Variants in PTBP2 observed in about 807,000 individuals in gnomAD.
The protein encoded by PTBP2 is polypyrimidine tract binding protein 2, also known as polypyrimidine tract-binding protein 2.
Under a neutral mutation model 61.4 loss-of-function variants are expected in PTBP2, and 13 were observed. That is an observed-to-expected ratio of 0.21 (90% CI 0.14 to 0.34). The LOEUF is 0.34. Among genes scored for constraint, PTBP2 ranks in the 10% least tolerant of loss-of-function variants. The probability of loss-of-function intolerance (pLI) is 1.00; values close to 1 mark genes in which losing one functional copy is unlikely to be tolerated. For synonymous variants in PTBP2, 215 were observed against 218.5 expected (o/e 0.98, Z 0.14); for missense variants, 405 against 642.6 (o/e 0.63, Z 4.00).
rs66475516 is a variant in PTBP2, at chr1:96,813,661, CTTTTTT to C, written c.*272_*277del. On this transcript the variant is annotated 3_prime_UTR_variant, in exon 14 of 14. Coordinates refer to ENST00000674951, the MANE Select transcript of PTBP2 (RefSeq NM_021190.4). ...TGTTTAAAATTTCAGTTTAATTTTG[CTTTTTT>C]TTTTTTTTTTTTTTTCCTTTCAACT... The C allele has an allele frequency of 0.08, 9,756 of 122,346 alleles. 153 individuals are homozygous for C. The highest frequency in any genetic ancestry group is 0.1 in the Middle Eastern group (20 of 200). 7.6% of individuals were successfully genotyped at this position (122,346 alleles called of 1,614,324 possible).
At chr1:96,784,751 T>A (rs1226404984) in intron 7 of PTBP2, among the ~76,000 whole-genome samples, 1 of 152,154 alleles carries the variant, frequency 6.6e-6, no homozygotes, top group African/African-American at 2.4e-5. Context: ...ACTTCCTGTT[T>A]GTGATCCTTA....
chr1:96,809,452 A>G (rs1421947308), intron 11 of PTBP2, among the ~76,000 whole-genome samples: 2 of 152,178 alleles, frequency 1.3e-5, no homozygotes, highest in Non-Finnish European at 2.9e-5. Flanking sequence ...AAAAAGATGC[A>G]TATAAAATCT....
In PTBP2 at chr1:96,739,618, G is replaced by GGTTTTTT. The variant is rs1232683663; in HGVS notation, c.40-11807_40-11806insGTTTTTT. 9.5e-5 allele frequency among the ~76,000 whole-genome samples: 8 copies of GGTTTTTT among 83,802 alleles called. 1 individual carries two copies. Among genetic ancestry groups the GGTTTTTT allele is most frequent in the Non-Finnish European group, 1.1e-4 (5 of 45,264 alleles). The allele number at this position is 83,802 out of a possible 152,430, so 55.0% of individuals were successfully genotyped here. On this transcript the variant is annotated intron_variant, in intron 2 of 13. Transcript: ENST00000674951. ...GCTACAAAATCTGAAACTGGTGTGT[G>GGTTTTTT]TTTTTTTTTTTTTTTTTTTTTTTTT...
At chr1:96,792,415 G>A (rs1410197412) in intron 8 of PTBP2, among the ~76,000 whole-genome samples, 3 of 152,088 alleles carry the variant, frequency 2.0e-5, no homozygotes, top group African/African-American at 4.8e-5. Context: ...TTGAGTGGCC[G>A]AGCCCTAGCA....
chr1:96,774,124 A>C (rs1657735771), intron 5 of PTBP2, among the ~76,000 whole-genome samples: 1 of 151,840 alleles, frequency 6.6e-6, no homozygotes. Context: ...GTCTCTTAAA[A>C]AAAAAAAAAG....
rs1557759315 is a variant in PTBP2 at position 96,791,839 on chromosome 1, T to TTTTTTGTTTTTTTTTTG, written c.904+6590_904+6591insGTTTTTTTTTTGTTTTT. ...CTTGGAGTTGTGCTTTTTTTTTTTT[T>TTTTTTGTTTTTTTTTTG]TTTTTTTTTTGAGATAGAGTCTGGC... is the stretch of plus-strand genomic sequence containing the variant. On this transcript the variant is annotated intron_variant, in intron 8 of 13. Transcript: ENST00000674951. Among the ~76,000 whole-genome samples, 7 of 138,236 alleles carry TTTTTTGTTTTTTTTTTG rather than the reference T, an allele frequency of 5.1e-5. 1 individual carries two copies. Among genetic ancestry groups the TTTTTTGTTTTTTTTTTG allele is most frequent in the African/African-American group, 1.9e-4 (7 of 35,908 alleles). 90.7% of individuals were successfully genotyped at this position (138,236 alleles called of 152,430 possible). A position where few individuals can be genotyped will look rare whatever the true frequency, so the allele number is the denominator to read the frequency against.
intron 1 of PTBP2, 41 bp downstream of exon 1, chr1:96,721,913 A>G: frequency 6.4e-7 from 1 of 1,566,618 alleles, no homozygotes; most frequent in Non-Finnish European, 8.7e-7. Flanking sequence ...GTGAGAGAGG[A>G]GTTGGACCGT....
At chr1:96,722,022 C>A in intron 1 of PTBP2, 150 bp downstream of exon 1, 1 of 1,044,002 alleles carries the variant, frequency 9.6e-7, no homozygotes, top group Non-Finnish European at 1.4e-6. Flanking sequence ...CACACCCCTC[C>A]CTTTGCTTCC....
chr1:96,782,645 A>G (rs1658807205), intron 7 of PTBP2, among the ~76,000 whole-genome samples: 1 of 151,956 alleles, frequency 6.6e-6, no homozygotes, highest in African/African-American at 2.4e-5. Context: ...TGTGTTGTTG[A>G]TTTTGATAAT....
At chr1:96,802,444 G>A (rs1361326715) in intron 8 of PTBP2, among the ~76,000 whole-genome samples, 2 of 152,062 alleles carry the variant, frequency 1.3e-5, no homozygotes, top group Non-Finnish European at 2.9e-5. Flanking sequence ...AGTGATTAGA[G>A]TTTTTAGATT....
At chr1:96,768,482 A>G (rs999602301) in intron 3 of PTBP2, among the ~76,000 whole-genome samples, 19 of 152,144 alleles carry the variant, frequency 1.2e-4, no homozygotes, top group African/African-American at 3.8e-4. Context: ...TGGAGTATAC[A>G]TGTATATTTC....
chr1:96,818,530 T>A (rs1016941443), downstream of PTBP2: 5 of 152,074 alleles, frequency 3.3e-5, no homozygotes, highest in African/African-American at 1.2e-4. Flanking sequence ...AACCTCCCTA[T>A]TAAAAATATA....
chr1:96,743,147 C>T (rs546724870), intron 2 of PTBP2, among the ~76,000 whole-genome samples: 2 of 151,928 alleles, frequency 1.3e-5, no homozygotes, highest in South Asian at 2.1e-4. Flanking sequence ...ATTAGCCAGG[C>T]GTGGTGGGGG....
intron 8 of PTBP2, among the ~76,000 whole-genome samples, chr1:96,803,636 CATA>C (rs1402787703): frequency 1.3e-5 from 2 of 152,042 alleles, no homozygotes; most frequent in Non-Finnish European, 2.9e-5. Flanking sequence ...AATGAAAGGT[CATA>C]GTAGTTTCTA....
chr1:96,799,050 G>T (rs1344748059), intron 8 of PTBP2, among the ~76,000 whole-genome samples: 1 of 152,076 alleles, frequency 6.6e-6, no homozygotes, highest in African/African-American at 2.4e-5. Flanking sequence ...AGGGTCTCTT[G>T]TCATATACAT....
chr1:96,753,587 C>G (rs1441813659), intron 3 of PTBP2, among the ~76,000 whole-genome samples: 2 of 151,420 alleles, frequency 1.3e-5, no homozygotes, highest in Non-Finnish European at 2.9e-5. Context: ...GGAAAGTAAC[C>G]CATGAAATAT....
At chr1:96,744,659 G>GAT (rs1334362901) in intron 2 of PTBP2, among the ~76,000 whole-genome samples, 1 of 152,110 alleles carries the variant, frequency 6.6e-6, no homozygotes, top group Non-Finnish European at 1.5e-5. Context: ...TCTTGTAGGT[G>GAT]ATAGTATTGG....
chr1:96,754,918 A>C (rs1654989223), intron 3 of PTBP2, among the ~76,000 whole-genome samples: 1 of 152,180 alleles, frequency 6.6e-6, no homozygotes, highest in South Asian at 2.1e-4. Context: ...AAAAATACAG[A>C]AAATCTTCGT....
chr1:96,820,658 TTC>T (rs1236334450), exon 14 of PTBP2: 3 of 139,774 alleles, frequency 2.1e-5, no homozygotes, highest in African/African-American at 1.0e-4. Context: ...ATCTGACACC[TTC>T]TTTTTTTCAA....
Sources: gnomAD v4.1 joint callset for allele counts (sites outside exome capture counted in the v4.1 genomes callset) on GRCh38, gnomAD v4.1.1 for gene constraint, MANE v1.5 for transcripts, NCBI Gene and HGNC (gene_info 2026-07-23, HGNC 2026-07-21) for gene names.